Variants in ZNF808 observed in about 807,000 individuals in gnomAD.
The protein encoded by ZNF808 is zinc finger protein 808.
In ZNF808, 5 loss-of-function variants were observed where a neutral mutation model predicts 8.7. That is an observed-to-expected ratio of 0.58 (90% CI 0.30 to 1.21). The LOEUF is 1.21. Among genes scored for constraint, ZNF808 ranks in the 50% most tolerant of loss-of-function variants. The pLI, the probability that ZNF808 is intolerant of heterozygous loss-of-function variation, is 0.07. For synonymous variants in ZNF808, 380 were observed against 366.0 expected (o/e 1.04, Z -0.44); for missense variants, 1,103 against 1,098.4 (o/e 1.00, Z -0.06).
intron 1 of ZNF808, among the ~76,000 whole-genome samples, chr19:52,531,280 C>G (rs189420387): frequency 6.6e-6 from 1 of 152,082 alleles, no homozygotes; most frequent in African/African-American, 2.4e-5. Context: ...TCGAGACCAG[C>G]CTGACCAATA....
chr19:52,544,132 C>G (rs1187631622), intron 3 of ZNF808, among the ~76,000 whole-genome samples: 1 of 152,040 alleles, frequency 6.6e-6, no homozygotes, highest in African/African-American at 2.4e-5. Flanking sequence ...GCACTCCAGC[C>G]TGGGAGATGG....
chr19:52,539,854 T>C (rs1408869565), intron 2 of ZNF808, among the ~76,000 whole-genome samples: 1 of 151,072 alleles, frequency 6.6e-6, no homozygotes, highest in Non-Finnish European at 1.5e-5. Context: ...CGCCCGGCCT[T>C]TGTTATTGTT....
In ZNF808 at chr19:52,554,564, C is replaced by A. The variant is rs373375731; in HGVS notation, c.1648C>A (p.Arg550Ser). Residue 550 changes from arginine to serine, a missense_variant, in exon 5 of 5, where the codon CGT becomes AGT. Physicochemically the swap from Arg to Ser is moderately radical, Grantham distance 110. Transcript: ENST00000359798. ...TACGGTTTGTAACAAGGTTTTCATG[C>A]GTAATTCAGTCCTGGCTGTACATAC... ...KCTVCNKVFM[R>S]NSVLAVHTRI... 8.1e-6 allele frequency: 13 copies of A among 1,613,422 alleles called. No homozygotes were observed. The highest frequency in any genetic ancestry group is 2.7e-5 in the African/African-American group (2 of 74,884).
At chr19:52,546,509 ACTTTT>A (rs1489914446) in intron 3 of ZNF808, among the ~76,000 whole-genome samples, 1 of 151,874 alleles carries the variant, frequency 6.6e-6, no homozygotes, top group African/African-American at 2.4e-5. Context: ...TTAGATTTGG[ACTTTT>A]CTTTCAAAGC....
chr19:52,545,334 G>A (rs2059710639), intron 3 of ZNF808, among the ~76,000 whole-genome samples: 1 of 152,146 alleles, frequency 6.6e-6, no homozygotes, highest in Non-Finnish European at 1.5e-5. Flanking sequence ...CGTGGGTAAC[G>A]CCATGATGTG....
chr19:52,565,022 C>A (rs1267807950), downstream of ZNF808, among the ~76,000 whole-genome samples: 1 of 152,118 alleles, frequency 6.6e-6, no homozygotes, highest in African/African-American at 2.4e-5. Flanking sequence ...GGAGGCAGAT[C>A]TTGCAGTGAG....
chr19:52,560,613 C>T (rs2059853189), downstream of ZNF808, among the ~76,000 whole-genome samples: 2 of 152,124 alleles, frequency 1.3e-5, no homozygotes, highest in South Asian at 4.1e-4. Flanking sequence ...CTGCTTTCAC[C>T]TCAGGCCACC....
At chr19:52,550,082 T>C (rs1347948538) in intron 4 of ZNF808, among the ~76,000 whole-genome samples, 1 of 152,210 alleles carries the variant, frequency 6.6e-6, no homozygotes, top group Admixed American at 6.6e-5. Flanking sequence ...CTGACTATTG[T>C]GCCTAAGAAC....
intron 2 of ZNF808, among the ~76,000 whole-genome samples, chr19:52,540,198 G>C (rs1291176103): frequency 6.6e-6 from 1 of 152,004 alleles, no homozygotes; most frequent in Non-Finnish European, 1.5e-5. Flanking sequence ...TTTTAGTAGA[G>C]ACATAGTTTC....
At chr19:52,540,882 A>G (rs1251573686) in intron 2 of ZNF808, among the ~76,000 whole-genome samples, 1 of 152,228 alleles carries the variant, frequency 6.6e-6, no homozygotes. Flanking sequence ...GATTGATGCC[A>G]TCAGAACCTT....
chr19:52,555,516 T>G lies in ZNF808; in HGVS notation c.2600T>G (p.Ile867Arg). ...AAATCACACCTTAAAAGACATAGGA[T>G]AATTCATACTGGAGAGAAACCTTAC... ...SRKSHLKRHR[I>R]IHTGEKPYKC... The change falls in exon 5 of 5, where the codon ATA becomes AGA. Residue 867 changes from isoleucine (I) to arginine (R), a missense_variant. Coordinates refer to ENST00000359798, the MANE Select transcript of ZNF808 (RefSeq NM_001039886.4). 6.2e-7 allele frequency: 1 copy of G among 1,613,162 alleles called. No individual in the cohort carries two copies. The highest frequency in any genetic ancestry group is 8.5e-7 in the Non-Finnish European group (1 of 1,179,762).
chr19:52,535,743 T>C (rs370641823), intron 2 of ZNF808, among the ~76,000 whole-genome samples: 7 of 152,214 alleles, frequency 4.6e-5, no homozygotes, highest in Admixed American at 6.5e-5. Flanking sequence ...ATTTCACATT[T>C]TAGTTTGCAT....
At chr19:52,564,191 T>G in exon 4 of ZNF808, 1 of 823,158 alleles carries the variant, frequency 1.2e-6, no homozygotes, top group South Asian at 1.4e-5. Context: ...AGGTCCAACT[T>G]TAAAAGGAGA....
At chr19:52,563,662 A>G (rs2123230693) in exon 4 of ZNF808, 1 of 153,796 alleles carries the variant, frequency 6.5e-6, no homozygotes, top group South Asian at 2.0e-4. Context: ...TTGAGTTGTG[A>G]CAAGACAATG....
intron 1 of ZNF808, among the ~76,000 whole-genome samples, chr19:52,530,111 C>T (rs1188915743): frequency 6.6e-6 from 1 of 151,778 alleles, no homozygotes; most frequent in Non-Finnish European, 1.5e-5. Flanking sequence ...CCCAGGCTAG[C>T]GTGCGATGGC....
chr19:52,537,151 A>C (rs2059620806), intron 2 of ZNF808, among the ~76,000 whole-genome samples: 1 of 151,694 alleles, frequency 6.6e-6, no homozygotes, highest in Non-Finnish European at 1.5e-5. Context: ...GCACCATTGC[A>C]CTCCAGCCTG....
rs774065674 is a variant in ZNF808 at position 52,554,981 on chromosome 19, G to A, written c.2065G>A (p.Val689Met). ...ATGTAAGGTTTGTGACAAGGCTTTC[G>A]TGTGTCGTTCCTATGTGGCAAAACA... ...YKCKVCDKAF[V>M]CRSYVAKHTR... is the part of the protein sequence containing the mutation. Residue 689 changes from valine (V) to methionine (M), a missense_variant, in exon 5 of 5, where the codon GTG (valine) becomes ATG (methionine). By Grantham distance (21) the Val-to-Met change is conservative. Coordinates refer to ENST00000359798, the MANE Select transcript of ZNF808 (RefSeq NM_001039886.4). 26 of 1,613,942 alleles carry A rather than the reference G, an allele frequency of 1.6e-5. No homozygotes were observed. The highest frequency in any genetic ancestry group is 1.9e-5 in the Non-Finnish European group (23 of 1,180,024).
At chr19:52,567,047 G>GT (rs1180242520), downstream of ZNF808, among the ~76,000 whole-genome samples, 1 of 151,186 alleles carries the variant, frequency 6.6e-6, no homozygotes, top group Non-Finnish European at 1.5e-5. Context: ...CACCTTCCGG[G>GT]TTCAAGCGAT....
chr19:52,539,786 C>T (rs606538), intron 2 of ZNF808, among the ~76,000 whole-genome samples: 49,107 of 150,878 alleles, frequency 0.33, 8,588 homozygotes, highest in East Asian at 0.51. Context: ...CTCCTGACCT[C>T]AGGTGATCCT....
Sources: allele counts gnomAD v4.1 joint callset (sites outside exome capture counted in the v4.1 genomes callset), GRCh38; gene constraint gnomAD v4.1.1; transcripts MANE v1.5; gene names NCBI Gene and HGNC (gene_info 2026-07-23, HGNC 2026-07-21).